WDR72: variants seen among roughly 807,000 people sequenced by gnomAD.
WDR72 encodes the protein WD repeat-containing protein 72.
WDR72 carries 120 observed loss-of-function variants against 124.2 expected under a neutral mutation model. The ratio of observed to expected loss-of-function variants is 0.97; its 90% CI spans 0.83 to 1.12. The LOEUF is 1.12. Among genes scored for constraint, WDR72 ranks in the 50% most tolerant of loss-of-function variants. The pLI, the probability that WDR72 is intolerant of heterozygous loss-of-function variation, is 0.00. For missense variants in WDR72, 1,387 were observed against 1,278.8 expected (o/e 1.08, Z -1.29); for synonymous variants, 452 against 441.7 (o/e 1.02, Z -0.29).
rs1273471776 is a variant in WDR72 at position 53,724,075 on chromosome 15, T to C, written c.154-1167A>G. Among the ~76,000 whole-genome samples, 6 of 152,188 alleles carry C rather than the reference T, an allele frequency of 3.9e-5. No individual in the cohort carries two copies. The East Asian group carries it at 1.2e-3, about 29-fold the overall frequency. On this transcript the variant is annotated intron_variant, in intron 2 of 19. Transcript: ENST00000360509. ...AATCCAGACACAGAAAGACAAATACTATATGATCTCACTTCTATGCAGAAC... is the reference window on the plus strand; with the variant it reads ...AATCCAGACACAGAAAGACAAATACCATATGATCTCACTTCTATGCAGAAC...
chr15:53,750,713 C>T (rs1466393879), intron 1 of WDR72, among the ~76,000 whole-genome samples: 1 of 152,162 alleles, frequency 6.6e-6, no homozygotes, highest in Non-Finnish European at 1.5e-5. Flanking sequence ...AAAATATCAA[C>T]ATTAACGGGA....
intron 9 of WDR72, 76 bp from the exon 10 acceptor site, chr15:53,706,150 C>T: frequency 2.0e-6 from 3 of 1,463,574 alleles, no homozygotes; most frequent in East Asian, 4.6e-5. Context: ...AATGGAGAAA[C>T]AAGACTTAAT....
At chr15:53,677,184 T>A (rs945639245) in intron 13 of WDR72, among the ~76,000 whole-genome samples, 18 of 152,120 alleles carry the variant, frequency 1.2e-4, no homozygotes, top group Admixed American at 1.3e-4. Context: ...CCTCCCAAAG[T>A]GCTGGGATTA....
chr15:53,620,008 T>C (rs1299161606), intron 14 of WDR72, among the ~76,000 whole-genome samples: 2 of 152,086 alleles, frequency 1.3e-5, no homozygotes, highest in Non-Finnish European at 2.9e-5. Flanking sequence ...GGCATTCTTA[T>C]ACACTGCAAG....
intron 18 of WDR72, among the ~76,000 whole-genome samples, chr15:53,553,213 G>T (rs968502097): frequency 2.0e-5 from 3 of 152,094 alleles, no homozygotes; most frequent in African/African-American, 7.2e-5. Flanking sequence ...CAACCAACTA[G>T]AATACAGCGT....
At chr15:53,638,665 C>T (rs1028044380) in intron 14 of WDR72, among the ~76,000 whole-genome samples, 8 of 143,120 alleles carry the variant, frequency 5.6e-5, no homozygotes, top group African/African-American at 7.9e-5. Flanking sequence ...ATTTTTCTAA[C>T]TTTAAAATAT....
intron 19 of WDR72, 58 bp downstream of exon 19, chr15:53,523,159 AC>A (rs993631488): frequency 4.6e-6 from 7 of 1,522,562 alleles, no homozygotes; most frequent in African/African-American, 1.4e-5. Flanking sequence ...CCTTCCAAGG[AC>A]CCCAAAGCTG....
At chr15:53,578,388 G>T (rs2011729067) in intron 18 of WDR72, among the ~76,000 whole-genome samples, 1 of 152,118 alleles carries the variant, frequency 6.6e-6, no homozygotes. Context: ...AAAACCTTTA[G>T]GCAGGAGGCT....
chr15:53,755,200 G>T, intron 1 of WDR72, among the ~76,000 whole-genome samples: 1 of 152,060 alleles, frequency 6.6e-6, no homozygotes, highest in East Asian at 1.9e-4. Context: ...AAAGAATGAA[G>T]TCCTTCCTGT....
In WDR72 at chr15:53,515,993, C is replaced by G. The variant is rs976314846; in HGVS notation, c.*1706G>C. On this transcript the variant is annotated 3_prime_UTR_variant, in exon 20 of 20. Coordinates refer to ENST00000360509, the MANE Select transcript of WDR72 (RefSeq NM_182758.4). ...ATGCTTTTGGGAGTCCTTATAATGT[C>G]CTTGACAACTGGTATACAACAAGCA... 1.3e-5 allele frequency: 2 copies of G among 152,060 alleles called. No homozygotes were observed. Among genetic ancestry groups the G allele is most frequent in the Non-Finnish European group, 2.9e-5 (2 of 67,984 alleles). 9.4% of individuals were successfully genotyped at this position (152,060 alleles called of 1,614,324 possible).
intron 3 of WDR72, among the ~76,000 whole-genome samples, chr15:53,719,416 G>C (rs2017809532): frequency 6.6e-6 from 1 of 151,876 alleles, no homozygotes; most frequent in African/African-American, 2.4e-5. Flanking sequence ...CTGGCTTCAG[G>C]TACTGTTATT....
At chr15:53,699,673 T>C (rs1015976155) in intron 13 of WDR72, 77 bp downstream of exon 13, 3 of 1,513,652 alleles carry the variant, frequency 2.0e-6, no homozygotes, top group Non-Finnish European at 2.7e-6. Context: ...CCGTGTCTTC[T>C]CTGAAACTTT....
chr15:53,621,916 C>T (rs1032261981), intron 14 of WDR72, among the ~76,000 whole-genome samples: 1 of 151,918 alleles, frequency 6.6e-6, no homozygotes, highest in Non-Finnish European at 1.5e-5. Flanking sequence ...GGAACTTAAA[C>T]AAATTTACAA....
intron 18 of WDR72, among the ~76,000 whole-genome samples, chr15:53,551,700 CAT>C (rs1179241511): frequency 1.3e-5 from 2 of 152,024 alleles, no homozygotes; most frequent in Non-Finnish European, 2.9e-5. Context: ...AAGAGTCAGA[CAT>C]AAGATGGTCT....
chr15:53,733,109 T>C lies in WDR72; in HGVS notation c.41A>G (p.Lys14Arg), dbSNP rs755431811. 3 of 1,613,938 alleles carry C rather than the reference T, an allele frequency of 1.9e-6. No individual in the cohort carries two copies. The highest frequency in any genetic ancestry group is 2.7e-5 in the African/African-American group (2 of 74,904). The change falls in exon 2 of 20, where the codon AAG (lysine) becomes AGG (arginine). Residue 14 changes from lysine (K) to arginine (R), a missense_variant. By Grantham distance (26) the Lys-to-Arg change is conservative (BLOSUM62 2). Transcript: ENST00000360509. The stretch of plus-strand genomic sequence containing the variant: ...GGCAGTGATGCTGTGGGGAGGGGCC[T>C]TCTGTCCCCAGAGTGCCACTGCCTG... Reference protein sequence around the residue: ...SLQAVALWGQKAPPHSITAIM... With the variant: ...SLQAVALWGQRAPPHSITAIM...
chr15:53,524,824 T>C (rs1892019039), intron 18 of WDR72, among the ~76,000 whole-genome samples: 1 of 152,092 alleles, frequency 6.6e-6, no homozygotes, highest in African/African-American at 2.4e-5. Context: ...TTCATCCATA[T>C]GTTTCTGTGG....
chr15:53,607,800 C>A (rs1005948428), intron 17 of WDR72, among the ~76,000 whole-genome samples: 2 of 152,038 alleles, frequency 1.3e-5, no homozygotes, highest in Admixed American at 6.6e-5. Context: ...GGAGCTCAAA[C>A]AACTCTATAG....
chr15:53,519,046 A>C (rs1048262820), intron 19 of WDR72, among the ~76,000 whole-genome samples: 9 of 151,864 alleles, frequency 5.9e-5, no homozygotes, highest in Non-Finnish European at 1.2e-4. Context: ...TTTTCAGCTG[A>C]AGCTACTTTG....
chr15:53,539,184 G>A (rs1046191416), intron 18 of WDR72, among the ~76,000 whole-genome samples: 3 of 152,094 alleles, frequency 2.0e-5, no homozygotes, highest in Admixed American at 6.6e-5. Context: ...GTTAATATAA[G>A]CATGCAATAA....
Sources: allele counts gnomAD v4.1 joint callset (sites outside exome capture counted in the v4.1 genomes callset), GRCh38; gene constraint gnomAD v4.1.1; transcripts MANE v1.5; gene names NCBI Gene and HGNC (gene_info 2026-07-23, HGNC 2026-07-21).